LPCAT1: variants seen among roughly 807,000 people sequenced by gnomAD.
LPCAT1 encodes the protein lysophosphatidylcholine acyltransferase 1.
In LPCAT1, 23 loss-of-function variants were observed where a neutral mutation model predicts 60.9. The ratio of observed to expected loss-of-function variants is 0.38; its 90% CI spans 0.27 to 0.53. The LOEUF (loss-of-function observed/expected upper bound fraction) is 0.53, where lower values mean the gene tolerates loss of function less well. Ranked by LOEUF, LPCAT1 falls within the 20% of genes least tolerant of loss-of-function variation. The probability of loss-of-function intolerance (pLI) is 0.82; values close to 1 mark genes in which losing one functional copy is unlikely to be tolerated. For synonymous variants in LPCAT1, 340 were observed against 301.1 expected, an observed-to-expected ratio of 1.13 and a Z score of -1.34; for missense variants, 622 against 723.6, an observed-to-expected ratio of 0.86 and a Z score of 1.61.
chr5:1,479,832 G>C (rs1384257385), intron 7 of LPCAT1, among the ~76,000 whole-genome samples, 157 bp from the exon 8 acceptor site: 12 of 146,512 alleles, frequency 8.2e-5, no homozygotes, highest in African/African-American at 2.2e-4. Flanking sequence ...CACCCAGCCC[G>C]AGCCCCAGTG....
At chr5:1,492,918 C>G (rs1445791197) in intron 3 of LPCAT1, among the ~76,000 whole-genome samples, 1 of 152,270 alleles carries the variant, frequency 6.6e-6, no homozygotes, top group African/African-American at 2.4e-5. Context: ...CACAATCCCC[C>G]TCCCTGAGCA....
chr5:1,465,136 C>T (rs1424405656), intron 13 of LPCAT1, among the ~76,000 whole-genome samples: 6 of 147,106 alleles, frequency 4.1e-5, no homozygotes, highest in East Asian at 2.0e-4. Flanking sequence ...ACAAAACAAG[C>T]GCAGGCACAC....
rs139033132 is a variant in LPCAT1 at position 1,471,715 on chromosome 5, G to C, written c.1180-791C>G. On this transcript the variant is annotated intron_variant, in intron 11 of 13. Coordinates refer to ENST00000283415, the MANE Select transcript of LPCAT1 (RefSeq NM_024830.5). ...AGCAGCAGGAGCATCCAGGGGTAGA[G>C]GGAGGGCTCCCAGGTTGGAGAGAAC... 4.9e-3 allele frequency among the ~76,000 whole-genome samples: 749 copies of C among 152,000 alleles called. 5 individuals carry two copies. The highest frequency in any genetic ancestry group is 0.017 in the African/African-American group (685 of 41,482).
Position 1,523,135 on chromosome 5 carries a change from T to C in LPCAT1, c.135+575A>G, listed in dbSNP as rs1338802612. On this transcript the variant is annotated intron_variant, in intron 1 of 13. Coordinates refer to ENST00000283415, the MANE Select transcript of LPCAT1 (RefSeq NM_024830.5). The surrounding 1 kb of genome is among the most constrained non-coding windows in gnomAD (Gnocchi z 7.1). ...AGACCCGTGCGCCTACAGGGGACCC[T>C]ACAGGGGACCCGCACCGCCCGCGCG... Among the ~76,000 whole-genome samples the C allele has an allele frequency of 6.6e-6, 1 of 151,986 alleles. No homozygotes were observed. Among genetic ancestry groups the C allele is most frequent in the Non-Finnish European group, 1.5e-5 (1 of 67,944 alleles).
Position 1,463,543 on chromosome 5 carries a change from G to A in LPCAT1, c.*108C>T. On this transcript the variant is annotated 3_prime_UTR_variant, in exon 14 of 14. Coordinates refer to ENST00000283415, the MANE Select transcript of LPCAT1 (RefSeq NM_024830.5). ...GCCCCTGGAACTCGGGCTGAAGACA[G>A]TGCCTGTACAGCAGGAGTGAGGAGC... 8.1e-7 allele frequency: 1 copy of A among 1,232,638 alleles called. No homozygotes were observed. The highest frequency in any genetic ancestry group is 1.5e-5 in the African/African-American group (1 of 66,414). 76.4% of individuals were successfully genotyped at this position (1,232,638 alleles called of 1,614,324 possible). A position where few individuals can be genotyped will look rare whatever the true frequency, so the allele number is the denominator to read the frequency against.
At chr5:1,508,879 G>A (rs572251713) in intron 1 of LPCAT1, among the ~76,000 whole-genome samples, 3 of 152,370 alleles carry the variant, frequency 2.0e-5, no homozygotes, top group East Asian at 1.9e-4. Flanking sequence ...CACCAGGGCC[G>A]TAAGCAGCCC....
At position 1,470,878 on chromosome 5, in the gene LPCAT1, G is replaced by A. The variant is rs1331073519; in HGVS notation, c.1226C>T (p.Ser409Phe). 3 of 1,613,508 alleles carry A rather than the reference G, an allele frequency of 1.9e-6. No homozygotes were observed. Among genetic ancestry groups the A allele is most frequent in the Non-Finnish European group, 2.5e-6 (3 of 1,180,028 alleles). ...VDLRECVVAL[S>F]VVCRPARTLD... is the part of the protein sequence containing the mutation. Reference sequence around the variant, plus strand: ...GGTCCGGGCCGGCCGGCAGACGACAGACAGGGCAACCACACACTCTCGCAG... The same window carrying A: ...GGTCCGGGCCGGCCGGCAGACGACAAACAGGGCAACCACACACTCTCGCAG... The change falls in exon 12 of 14, where the codon TCT becomes TTT. Residue 409 changes from serine to phenylalanine, a missense_variant. Transcript: ENST00000283415.
chr5:1,507,280 A>T (rs1248985595), intron 1 of LPCAT1, among the ~76,000 whole-genome samples: 2 of 152,132 alleles, frequency 1.3e-5, no homozygotes, highest in Admixed American at 6.5e-5. Context: ...TCACCACAGG[A>T]CCCTGATCAC....
At position 1,515,164 on chromosome 5, in the gene LPCAT1, C is replaced by T. The variant is rs1736468529; in HGVS notation, c.135+8546G>A. Among the ~76,000 whole-genome samples the T allele has an allele frequency of 2.0e-5, 3 of 151,446 alleles. No homozygotes were observed. The South Asian group carries it at 6.2e-4, about 32-fold the overall frequency. On this transcript the variant is annotated intron_variant, in intron 1 of 13. Coordinates refer to ENST00000283415, the MANE Select transcript of LPCAT1 (RefSeq NM_024830.5). ...GAACTGGCCGCAGATACAGGGAGCCCCCCAGCACATCCTGCATCAGGGGAT... is the reference window on the plus strand; with the variant it reads ...GAACTGGCCGCAGATACAGGGAGCCTCCCAGCACATCCTGCATCAGGGGAT...
chr5:1,523,883 G>A lies in LPCAT1; in HGVS notation c.-39C>T. On this transcript the variant is annotated 5_prime_UTR_variant, in exon 1 of 14. Coordinates refer to ENST00000283415, the MANE Select transcript of LPCAT1 (RefSeq NM_024830.5). This position sits in a 1 kb window ranked among gnomAD's most constrained non-coding sequence, Gnocchi z 7.1. ...CGCGGCGAGCGCAGCCGAGCTGCCT[G>A]GGGCGCCGAGCGGGGCCGGGGCTAG... 1 of 1,029,732 alleles carries A rather than the reference G, an allele frequency of 9.7e-7. No homozygotes were observed. The highest frequency in any genetic ancestry group is 1.2e-6 in the Non-Finnish European group (1 of 860,554). 63.8% of individuals were successfully genotyped at this position (1,029,732 alleles called of 1,614,324 possible). A position where few individuals can be genotyped will look rare whatever the true frequency, so the allele number is the denominator to read the frequency against.
rs888227761 is a variant in LPCAT1 at position 1,523,015 on chromosome 5, A to T, written c.135+695T>A. 2.0e-5 allele frequency among the ~76,000 whole-genome samples: 3 copies of T among 152,162 alleles called. No homozygotes were observed. In the South Asian group the frequency reaches 6.2e-4, roughly 32 times the overall value. ...CCCACGTGGCAGCCCAGGTTGCATA[A>T]AGTTGATTCGGGTCAGACCAGCCCC... is the stretch of plus-strand genomic sequence containing the variant. On this transcript the variant is annotated intron_variant, in intron 1 of 13. Transcript: ENST00000283415. This position sits in a 1 kb window ranked among gnomAD's most constrained non-coding sequence, Gnocchi z 7.1.
At chr5:1,513,192 T>A (rs1349997998) in intron 1 of LPCAT1, among the ~76,000 whole-genome samples, 1 of 152,150 alleles carries the variant, frequency 6.6e-6, no homozygotes, top group African/African-American at 2.4e-5. Context: ...CCTGCCCACA[T>A]GCTCTCCCAG....
At chr5:1,484,803 G>A (rs528907505) in intron 5 of LPCAT1, among the ~76,000 whole-genome samples, 45 of 152,286 alleles carry the variant, frequency 3.0e-4, no homozygotes, top group African/African-American at 7.9e-4. Flanking sequence ...CCCTGGGCCC[G>A]TGTGCCGCAG....
chr5:1,480,370 G>C lies in LPCAT1; in HGVS notation c.761+572C>G, dbSNP rs151135690. Reference sequence around the variant, plus strand: ...GCCTGGAATGGAGCTGCTCTCTCTTGGACTTTCCCGCTCCCTCTGCCCTCC... The same window carrying C: ...GCCTGGAATGGAGCTGCTCTCTCTTCGACTTTCCCGCTCCCTCTGCCCTCC... On this transcript the variant is annotated intron_variant, in intron 7 of 13. Coordinates refer to ENST00000283415, the MANE Select transcript of LPCAT1 (RefSeq NM_024830.5). The surrounding 1 kb of genome is among the most constrained non-coding windows in gnomAD (Gnocchi z 6.4). 1.0e-6 allele frequency: 1 copy of C among 985,310 alleles called. No individual in the cohort carries two copies. Among genetic ancestry groups the C allele is most frequent in the East Asian group, 1.1e-4 (1 of 8,794 alleles). The allele number at this position is 985,310 out of a possible 1,614,324, so 61.0% of individuals were successfully genotyped here.
rs965967279 is a variant in LPCAT1, at chr5:1,474,870, G to A, written c.900-185C>T. Among the ~76,000 whole-genome samples the A allele has an allele frequency of 2.0e-5, 3 of 152,228 alleles. No homozygotes were observed. In the South Asian group the frequency reaches 6.2e-4, roughly 32 times the overall value. ...CAGCTTCACCTCTCGTGGGTGCTCT[G>A]AAACGATGACGGCAGCCACACCAAA... On this transcript the variant is annotated intron_variant, in intron 9 of 13. Coordinates refer to ENST00000283415, the MANE Select transcript of LPCAT1 (RefSeq NM_024830.5).
intron 3 of LPCAT1, among the ~76,000 whole-genome samples, chr5:1,490,957 A>C (rs1735556484): frequency 6.6e-6 from 1 of 151,704 alleles, no homozygotes; most frequent in South Asian, 2.1e-4. Context: ...TCCCCACCCC[A>C]GTTCAGTTTC....
At chr5:1,465,181 A>G (rs1196331011) in intron 13 of LPCAT1, among the ~76,000 whole-genome samples, 2 of 149,190 alleles carry the variant, frequency 1.3e-5, no homozygotes, top group East Asian at 2.0e-4. Context: ...CACACAAAAC[A>G]AGCGCACGCG....
At chr5:1,504,312 G>A (rs182778169) in intron 1 of LPCAT1, among the ~76,000 whole-genome samples, 96 of 152,338 alleles carry the variant, frequency 6.3e-4, no homozygotes, top group African/African-American at 2.1e-3. Context: ...GGAGGAGAGC[G>A]CAGCGGAGGA....
In LPCAT1 at chr5:1,464,843, AGT is replaced by A. The variant is rs767193367; in HGVS notation, c.1421-1010_1421-1009del. The stretch of plus-strand genomic sequence containing the variant: ...GTAATCACACATGCACGTACACACA[AGT>A]GTGTGCACACACAGTAAACACATGC... On this transcript the variant is annotated intron_variant, in intron 13 of 13. Transcript: ENST00000283415. Among the ~76,000 whole-genome samples the A allele has an allele frequency of 2.5e-3, 381 of 150,124 alleles. 4 individuals are homozygous for A. The highest frequency in any genetic ancestry group is 1.0e-3 in the East Asian group (5 of 4,980).
Sources: gnomAD v4.1 joint callset for allele counts (sites outside exome capture counted in the v4.1 genomes callset) on GRCh38, gnomAD v4.1.1 for gene constraint, Gnocchi (gnomAD v3.1) non-coding constraint, MANE v1.5 for transcripts, NCBI Gene and HGNC (gene_info 2026-07-23, HGNC 2026-07-21) for gene names.